The following PCCA variants were observed in gnomAD, a reference collection of about 807,000 sequenced individuals.
PCCA encodes propionyl-CoA carboxylase alpha chain, mitochondrial.
PCCA carries 74 observed loss-of-function variants against 101.3 expected under a neutral mutation model. That is an observed-to-expected ratio of 0.73 (90% CI 0.61 to 0.89). The LOEUF is 0.89. PCCA is among the 40% of genes least tolerant of loss of function. The pLI is 0.00. For synonymous variants in PCCA, 294 were observed against 313.6 expected (o/e 0.94, Z 0.66); for missense variants, 891 against 907.0 (o/e 0.98, Z 0.23).
intron 20 of PCCA, among the ~76,000 whole-genome samples, chr13:100,447,474 C>A (rs549382157): frequency 3.9e-5 from 6 of 152,174 alleles, no homozygotes; most frequent in African/African-American, 1.2e-4. Context: ...GAGTTCGAGA[C>A]CAGCCTGGCC....
chr13:100,205,042 G>A (rs1415340927), intron 6 of PCCA, among the ~76,000 whole-genome samples: 1 of 151,822 alleles, frequency 6.6e-6, no homozygotes, highest in Non-Finnish European at 1.5e-5. Context: ...GATATTATAT[G>A]TATCATGCAA....
chr13:100,228,761 G>A (rs908515839), intron 7 of PCCA, among the ~76,000 whole-genome samples: 2 of 151,792 alleles, frequency 1.3e-5, no homozygotes, highest in African/African-American at 4.8e-5. Context: ...TTAGTCATAC[G>A]TGGTGGTGTG....
chr13:100,498,108 T>C (rs1245300419), intron 21 of PCCA, among the ~76,000 whole-genome samples: 3 of 151,768 alleles, frequency 2.0e-5, no homozygotes, highest in Non-Finnish European at 4.4e-5. Flanking sequence ...CTCAAAGTAA[T>C]CCTCTCACCT....
chr13:100,488,171 G>A (rs912595418), intron 21 of PCCA, among the ~76,000 whole-genome samples: 16 of 152,272 alleles, frequency 1.1e-4, no homozygotes, highest in African/African-American at 3.9e-4. Context: ...TCGGCTCACC[G>A]CAACCTCTGC....
chr13:100,391,367 G>A (rs2076793128), intron 19 of PCCA, among the ~76,000 whole-genome samples: 1 of 152,298 alleles, frequency 6.6e-6, no homozygotes, highest in Admixed American at 6.5e-5. Context: ...TGGGGGAAGA[G>A]GTGAGGTGAG....
At chr13:100,424,619 G>T (rs945929972) in intron 19 of PCCA, among the ~76,000 whole-genome samples, 4 of 152,108 alleles carry the variant, frequency 2.6e-5, no homozygotes, top group Non-Finnish European at 5.9e-5. Flanking sequence ...ATATTTTTAG[G>T]GCACCTTATA....
chr13:100,279,548 T>C (rs931268429), intron 12 of PCCA, among the ~76,000 whole-genome samples: 2 of 152,190 alleles, frequency 1.3e-5, no homozygotes, highest in Non-Finnish European at 2.9e-5. Context: ...CGATCTTGGC[T>C]CACTGCAGCC....
chr13:100,110,453 G>A (rs372522047), intron 2 of PCCA, among the ~76,000 whole-genome samples: 2 of 151,690 alleles, frequency 1.3e-5, no homozygotes, highest in South Asian at 4.1e-4. Context: ...TTTACTTAAA[G>A]TTAAATAGGT....
chr13:100,231,899 G>A (rs1343730096), intron 7 of PCCA, among the ~76,000 whole-genome samples: 2 of 151,980 alleles, frequency 1.3e-5, no homozygotes, highest in African/African-American at 4.8e-5. Context: ...GCAGTAAATT[G>A]GTTTCTGTAG....
chr13:100,232,374 GTGTGT>G, intron 7 of PCCA, among the ~76,000 whole-genome samples: 1 of 150,576 alleles, frequency 6.6e-6, no homozygotes, highest in African/African-American at 2.4e-5. Flanking sequence ...GTGTGTGTGT[GTGTGT>G]GTGTGTGTGT....
intron 7 of PCCA, among the ~76,000 whole-genome samples, chr13:100,210,509 A>G (rs2059147907): frequency 6.6e-6 from 1 of 152,328 alleles, no homozygotes; most frequent in East Asian, 1.9e-4. Context: ...CATAATATGT[A>G]AGTTAGGATC....
chr13:100,239,852 C>A (rs1288800460), intron 8 of PCCA, among the ~76,000 whole-genome samples: 1 of 151,902 alleles, frequency 6.6e-6, no homozygotes, highest in Non-Finnish European at 1.5e-5. Context: ...TTTTGATCCT[C>A]AGGTCTACCA....
chr13:100,098,665 T>G (rs1361492342), intron 1 of PCCA, among the ~76,000 whole-genome samples: 1 of 152,120 alleles, frequency 6.6e-6, no homozygotes, highest in Admixed American at 6.5e-5. Context: ...TGGGGAAGAA[T>G]GGCCTGGCGG....
At chr13:100,510,891 C>G (rs1453948292) in intron 21 of PCCA, among the ~76,000 whole-genome samples, 1 of 152,258 alleles carries the variant, frequency 6.6e-6, no homozygotes, top group East Asian at 1.9e-4. Context: ...TGCGCCTTAG[C>G]TGCTGCCTGT....
At chr13:100,418,679 A>G (rs2078540348) in intron 19 of PCCA, among the ~76,000 whole-genome samples, 3 of 152,004 alleles carry the variant, frequency 2.0e-5, no homozygotes, top group Admixed American at 2.0e-4. Flanking sequence ...CTAAAAATAC[A>G]AAATATTAGC....
chr13:100,414,033 T>C (rs954783659), intron 19 of PCCA, among the ~76,000 whole-genome samples: 3 of 152,246 alleles, frequency 2.0e-5, no homozygotes, highest in African/African-American at 7.2e-5. Flanking sequence ...AATGAGGTGA[T>C]AATTAAACAG....
chr13:100,133,574 G>GT (rs1235351956), intron 4 of PCCA, among the ~76,000 whole-genome samples: 1 of 152,060 alleles, frequency 6.6e-6, no homozygotes, highest in Non-Finnish European at 1.5e-5. Flanking sequence ...TTTGCAGTCG[G>GT]TTTTTTTGTT....
At position 100,428,512 on chromosome 13, in the gene PCCA, G is replaced by A. The variant is rs1440108017; in HGVS notation, c.1845+2781G>A. Reference sequence around the variant, plus strand: ...AAGCAGAGCAAAAACTTGGTCCGTGGCAGTCATGTGTGCTTTCCCCCACTA... The same window carrying A: ...AAGCAGAGCAAAAACTTGGTCCGTGACAGTCATGTGTGCTTTCCCCCACTA... On this transcript the variant is annotated intron_variant, in intron 20 of 23. Coordinates refer to ENST00000376285, the MANE Select transcript of PCCA (RefSeq NM_000282.4). Among the ~76,000 whole-genome samples the A allele has an allele frequency of 2.6e-5, 4 of 152,042 alleles. No individual in the cohort carries two copies. In the East Asian group the frequency reaches 7.7e-4, roughly 29 times the overall value.
intron 12 of PCCA, among the ~76,000 whole-genome samples, chr13:100,291,665 C>T (rs1356875126): frequency 6.6e-6 from 1 of 152,150 alleles, no homozygotes; most frequent in Non-Finnish European, 1.5e-5. Context: ...TGACAGCAGC[C>T]CTTCAGATGG....
Sources: allele counts gnomAD v4.1 joint callset (sites outside exome capture counted in the v4.1 genomes callset), GRCh38; gene constraint gnomAD v4.1.1; transcripts MANE v1.5; gene names NCBI Gene and HGNC (gene_info 2026-07-23, HGNC 2026-07-21).